The following MLIP variants were observed in gnomAD, a reference collection of about 807,000 sequenced individuals.
MLIP encodes the protein muscular LMNA-interacting protein.
A neutral mutation model predicts 84.8 loss-of-function variants in MLIP; 79 were observed. The observed-to-expected ratio is 0.93, with a 90% CI of 0.78 to 1.12. The LOEUF (loss-of-function observed/expected upper bound fraction) is 1.12, where lower values mean the gene tolerates loss of function less well. Among genes scored for constraint, MLIP ranks in the 50% most tolerant of loss-of-function variants. The pLI, the probability that MLIP is intolerant of heterozygous loss-of-function variation, is 0.00. For missense variants in MLIP, 1,257 were observed against 1,160.6 expected, an observed-to-expected ratio of 1.08 and a Z score of -1.21; for synonymous variants, 504 against 463.0, an observed-to-expected ratio of 1.09 and a Z score of -1.14.
chr6:54,222,759 A>G (rs1780302129), intron 11 of MLIP, among the ~76,000 whole-genome samples: 1 of 151,976 alleles, frequency 6.6e-6, no homozygotes, highest in African/African-American at 2.4e-5. Flanking sequence ...ATGCATTTTT[A>G]TGGTAGCCAT....
At chr6:54,169,678 T>A (rs1038293791) in intron 9 of MLIP, 106 bp downstream of exon 9, 19 of 666,424 alleles carry the variant, frequency 2.9e-5, no homozygotes, top group Non-Finnish European at 4.1e-5. Context: ...ATTGTTTTTT[T>A]ATAAGTTGAA....
rs1438295128 is a variant in MLIP at position 54,137,002 on chromosome 6, C to T, written c.933C>T (p.Pro311=). ...HSTQLSGSNL[P]SSTAADPKPG... is the part of the protein sequence containing the mutation. ...CTCAACTATCAGGTTCTAATTTACC[C>T]AGTTCAACTGCAGCAGATCCAAAGC... Residue 311 remains proline, a synonymous_variant, in exon 4 of 14, where the codon CCC becomes CCT. Coordinates refer to ENST00000502396, the MANE Select transcript of MLIP (RefSeq NM_001281747.2). 9.8e-6 allele frequency: 15 copies of T among 1,536,084 alleles called. No individual in the cohort carries two copies. Among genetic ancestry groups the T allele is most frequent in the African/African-American group, 1.4e-5 (1 of 73,144 alleles).
chr6:54,229,160 A>C (rs1173554494), intron 11 of MLIP, among the ~76,000 whole-genome samples: 1 of 152,144 alleles, frequency 6.6e-6, no homozygotes, highest in Non-Finnish European at 1.5e-5. Flanking sequence ...ATTTTTTTGG[A>C]TTGACCCAAA....
rs544861016 is a variant in MLIP, at chr6:54,128,014, C to T, written c.645+3149C>T. 3.9e-5 allele frequency among the ~76,000 whole-genome samples: 6 copies of T among 152,238 alleles called. No individual in the cohort carries two copies. In the South Asian group the frequency reaches 1.2e-3, roughly 32 times the overall value. On this transcript the variant is annotated intron_variant, in intron 3 of 13. Coordinates refer to ENST00000502396, the MANE Select transcript of MLIP (RefSeq NM_001281747.2). ...ATAAAGTTTGGAGCTAAGATAGTGACTGTGGGAATAGACAGAGAGCCTGAT... is the reference window on the plus strand; with the variant it reads ...ATAAAGTTTGGAGCTAAGATAGTGATTGTGGGAATAGACAGAGAGCCTGAT...
Position 54,111,539 on chromosome 6 carries a change from G to A in MLIP, c.60G>A (p.Ser20=), listed in dbSNP as rs550957008. ...GGAACAATTACTTCCAAATGACCTC[G>A]TGCATCTTATCAGGGAGCATTCAGA... is the stretch of plus-strand genomic sequence containing the variant. ...DCGNNYFQMT[S]CILSGSIQTT... Residue 20 remains serine (S), a synonymous_variant, in exon 1 of 14, where the codon TCG becomes TCA. Coordinates refer to ENST00000502396, the MANE Select transcript of MLIP (RefSeq NM_001281747.2). The A allele has an allele frequency of 9.8e-6, 15 of 1,535,886 alleles. No individual in the cohort carries two copies. Among genetic ancestry groups the A allele is most frequent in the East Asian group, 4.9e-5 (2 of 40,928 alleles).
intron 10 of MLIP, among the ~76,000 whole-genome samples, chr6:54,192,296 C>T (rs886966489): frequency 1.3e-5 from 2 of 151,602 alleles, no homozygotes; most frequent in Non-Finnish European, 2.9e-5. Flanking sequence ...GTAAGCATAT[C>T]ACATTAAAAA....
chr6:54,058,877 A>C (rs1230747152), intron 1 of MLIP: 1 of 152,194 alleles, frequency 6.6e-6, no homozygotes, highest in Admixed American at 6.6e-5. Flanking sequence ...GAGAGATAGA[A>C]GGAGGAAAAG....
intron 12 of MLIP, among the ~76,000 whole-genome samples, chr6:54,251,018 T>C (rs1782438051): frequency 6.6e-6 from 1 of 152,056 alleles, no homozygotes; most frequent in African/African-American, 2.4e-5. Context: ...ACAACGTCTG[T>C]TCACTGATTG....
chr6:54,207,764 G>A (rs1467867864), intron 11 of MLIP, among the ~76,000 whole-genome samples: 1 of 152,234 alleles, frequency 6.6e-6, no homozygotes, highest in East Asian at 1.9e-4. Flanking sequence ...TCTATGTTTT[G>A]TTAACACATG....
At chr6:54,205,272 T>C (rs1778960519) in intron 11 of MLIP, among the ~76,000 whole-genome samples, 2 of 152,370 alleles carry the variant, frequency 1.3e-5, no homozygotes, top group South Asian at 2.1e-4. Flanking sequence ...AATTCATTTC[T>C]AGTCACTATT....
At chr6:54,206,201 C>T (rs1341288978) in intron 11 of MLIP, among the ~76,000 whole-genome samples, 5 of 152,028 alleles carry the variant, frequency 3.3e-5, no homozygotes, top group Non-Finnish European at 7.4e-5. Flanking sequence ...AAGAGGATTT[C>T]ATTGAAGATT....
chr6:54,251,804 A>T (rs1288193279), intron 12 of MLIP, among the ~76,000 whole-genome samples: 1 of 97,108 alleles, frequency 1.0e-5, no homozygotes. Flanking sequence ...ATATAAATAT[A>T]TATATTATAA....
At chr6:54,245,211 G>A (rs999114905) in intron 12 of MLIP, among the ~76,000 whole-genome samples, 9 of 152,078 alleles carry the variant, frequency 5.9e-5, no homozygotes, top group African/African-American at 1.4e-4. Context: ...CTGAGACAGC[G>A]GTTCAGATAT....
intron 12 of MLIP, among the ~76,000 whole-genome samples, chr6:54,231,799 C>A (rs975260489): frequency 1.3e-5 from 2 of 152,142 alleles, no homozygotes; most frequent in African/African-American, 4.8e-5. Flanking sequence ...CAATCAAGAT[C>A]ATCTTCCAGA....
chr6:54,090,557 T>C (rs1767796204), intron 1 of MLIP, among the ~76,000 whole-genome samples: 3 of 152,130 alleles, frequency 2.0e-5, no homozygotes, highest in African/African-American at 4.8e-5. Flanking sequence ...ACTCGCTCTA[T>C]TTCAGCAAAC....
At chr6:54,105,049 C>T (rs1469970798) in intron 1 of MLIP, among the ~76,000 whole-genome samples, 1 of 152,142 alleles carries the variant, frequency 6.6e-6, no homozygotes, top group East Asian at 1.9e-4. Context: ...TGATCTAGAA[C>T]CTCATTTTAT....
At chr6:54,138,466 A>T (rs1242449185) in intron 4 of MLIP, among the ~76,000 whole-genome samples, 180 bp downstream of exon 4, 3 of 152,156 alleles carry the variant, frequency 2.0e-5, no homozygotes, top group Non-Finnish European at 2.9e-5. Flanking sequence ...TATAATCTGT[A>T]TAGAATTATG....
chr6:54,256,685 A>G (rs1783027359), intron 12 of MLIP, among the ~76,000 whole-genome samples: 2 of 151,978 alleles, frequency 1.3e-5, no homozygotes, highest in South Asian at 4.1e-4. Flanking sequence ...CCACATAGCA[A>G]TAAAAATTCC....
chr6:54,122,929 T>C (rs139656348), intron 2 of MLIP, among the ~76,000 whole-genome samples: 1 of 151,878 alleles, frequency 6.6e-6, no homozygotes, highest in African/African-American at 2.4e-5. Context: ...CTCATTCATT[T>C]ATATTCTTTT....
Sources: allele counts gnomAD v4.1 joint callset (sites outside exome capture counted in the v4.1 genomes callset), GRCh38; gene constraint gnomAD v4.1.1; transcripts MANE v1.5; gene names NCBI Gene and HGNC (gene_info 2026-07-23, HGNC 2026-07-21).